CTBP2: variants seen among roughly 807,000 people sequenced by gnomAD.
CTBP2 encodes C-terminal-binding protein 2.
CTBP2 carries 30 observed loss-of-function variants against 80.3 expected under a neutral mutation model. The ratio of observed to expected loss-of-function variants is 0.37; its 90% CI spans 0.28 to 0.51. The LOEUF is 0.51. CTBP2 is among the 20% of genes least tolerant of loss of function. The probability of loss-of-function intolerance (pLI) is 0.93; values close to 1 mark genes in which losing one functional copy is unlikely to be tolerated. For missense variants in CTBP2, 1,212 were observed against 1,375.3 expected, an observed-to-expected ratio of 0.88 and a Z score of 1.88; for synonymous variants, 594 against 587.4, an observed-to-expected ratio of 1.01 and a Z score of -0.16.
At chr10:125,094,960 T>TG (rs1849334285) in intron 2 of CTBP2, among the ~76,000 whole-genome samples, 2 of 146,876 alleles carry the variant, frequency 1.4e-5, no homozygotes, top group African/African-American at 5.1e-5. Flanking sequence ...AGCATGGGGG[T>TG]GGGCTCCAGC....
chr10:125,115,906 A>T (rs541487342), intron 1 of CTBP2, among the ~76,000 whole-genome samples: 19 of 152,324 alleles, frequency 1.2e-4, no homozygotes, highest in Non-Finnish European at 1.5e-4. Flanking sequence ...AGGTCAGAGT[A>T]GTCTACAGTC....
chr10:125,005,925 A>G, intron 1 of CTBP2: 6 of 1,505,874 alleles, frequency 4.0e-6, no homozygotes, highest in Non-Finnish European at 5.3e-6. Flanking sequence ...TGTTCGTTAA[A>G]TGGTAGCCAC....
At chr10:125,123,347 C>A (rs946140849) in intron 1 of CTBP2, among the ~76,000 whole-genome samples, 2 of 152,172 alleles carry the variant, frequency 1.3e-5, no homozygotes, top group South Asian at 2.1e-4. Flanking sequence ...TGGATTCTAT[C>A]CACGTCAATT....
intron 2 of CTBP2, among the ~76,000 whole-genome samples, chr10:125,093,504 T>C (rs1274354412): frequency 6.6e-6 from 1 of 152,226 alleles, no homozygotes; most frequent in Non-Finnish European, 1.5e-5. Context: ...CCACGACACT[T>C]TGTTTAATTC....
At chr10:125,020,053 C>T (rs1254051275) in intron 1 of CTBP2, among the ~76,000 whole-genome samples, 1 of 152,164 alleles carries the variant, frequency 6.6e-6, no homozygotes, top group East Asian at 1.9e-4. Flanking sequence ...AGCGTAGGGG[C>T]CCATTGGTTG....
At position 124,991,900 on chromosome 10, in the gene CTBP2, G is replaced by T. The variant is rs112739926; in HGVS notation, c.2777+795C>A. 1.2e-3 allele frequency among the ~76,000 whole-genome samples: 178 copies of T among 147,398 alleles called. 3 individuals carry two copies. The highest frequency in any genetic ancestry group is 4.0e-3 in the African/African-American group (163 of 40,678). ...CTGGGAAGCCAGCAATAATGGGGGG[G>T]GGGGTGTGGGAGAAAACCGATTCGT... On this transcript the variant is annotated intron_variant, in intron 8 of 8. Transcript: ENST00000309035.
At chr10:125,076,786 T>C (rs1023167339) in intron 2 of CTBP2, among the ~76,000 whole-genome samples, 4 of 152,248 alleles carry the variant, frequency 2.6e-5, no homozygotes, top group African/African-American at 4.8e-5. Flanking sequence ...TGGCAAGAGA[T>C]GGCTCGTTCC....
intron 1 of CTBP2, among the ~76,000 whole-genome samples, chr10:125,013,898 C>T (rs1956200335): frequency 6.6e-6 from 1 of 152,180 alleles, no homozygotes; most frequent in Admixed American, 6.5e-5. Context: ...GGTGATCTTG[C>T]CTCGGCAGGC....
chr10:125,027,887 G>T lies in CTBP2; in HGVS notation c.-128C>A, dbSNP rs1957820130. 7 of 1,426,422 alleles carry T rather than the reference G, an allele frequency of 4.9e-6. No individual in the cohort carries two copies. In the South Asian group the frequency reaches 9.2e-5, roughly 19 times the overall value. 88.4% of individuals were successfully genotyped at this position (1,426,422 alleles called of 1,614,324 possible). ...AGACGGCAGGGACAACCAACTGGGG[G>T]TTTTCTGTTTCAAAGCATGGCCTGA... On this transcript the variant is annotated 5_prime_UTR_variant, in exon 1 of 9. Transcript: ENST00000309035.
intron 1 of CTBP2, among the ~76,000 whole-genome samples, chr10:125,140,652 A>G (rs994676322): frequency 6.6e-6 from 1 of 151,966 alleles, no homozygotes. Context: ...GCAAAAGCCC[A>G]TTTCTACAAA....
chr10:124,991,895 G>GT (rs1351508203), intron 8 of CTBP2, among the ~76,000 whole-genome samples: 1 of 118,930 alleles, frequency 8.4e-6, no homozygotes, highest in Non-Finnish European at 1.6e-5. Flanking sequence ...AGCAATAATG[G>GT]GGGGGGGGGT....
rs140884904 is a variant in CTBP2 at position 125,106,427 on chromosome 10, G to A, written c.-102+4563C>T. On this transcript the variant is annotated intron_variant, in intron 2 of 10. Coordinates refer to the CTBP2 transcript ENST00000337195. ...AGGGACGCGGGGCGACCTGAGTTTG[G>A]GGTTGCTTCATCGGCTCCTGAATGC... is the stretch of plus-strand genomic sequence containing the variant. Among the ~76,000 whole-genome samples, 22 of 152,316 alleles carry A rather than the reference G, an allele frequency of 1.4e-4. No homozygotes were observed. In the East Asian group the frequency reaches 4.0e-3, roughly 28 times the overall value.
chr10:125,151,621 G>A (rs1239575992), intron 1 of CTBP2, among the ~76,000 whole-genome samples: 2 of 152,174 alleles, frequency 1.3e-5, no homozygotes, highest in Non-Finnish European at 2.9e-5. Flanking sequence ...CACTCACCAC[G>A]ACCCCAGGAG....
At chr10:125,028,234 T>C (rs543388865), upstream of CTBP2, among the ~76,000 whole-genome samples, 3 of 152,238 alleles carry the variant, frequency 2.0e-5, no homozygotes, top group East Asian at 1.9e-4. Flanking sequence ...CTCAGGTTTA[T>C]ACTCCCTCTT....
intron 1 of CTBP2, among the ~76,000 whole-genome samples, chr10:125,137,341 C>A (rs1305379101): frequency 6.6e-6 from 1 of 152,186 alleles, no homozygotes; most frequent in Non-Finnish European, 1.5e-5. Context: ...TCCCAAGGGG[C>A]CTGGGAGTCC....
At chr10:125,153,217 C>T (rs545251504) in intron 1 of CTBP2, among the ~76,000 whole-genome samples, 2 of 152,380 alleles carry the variant, frequency 1.3e-5, no homozygotes, top group Admixed American at 6.5e-5. Flanking sequence ...TTCCCTCAAC[C>T]GTTCCTGGGA....
chr10:125,081,886 T>C (rs56171930), intron 2 of CTBP2, among the ~76,000 whole-genome samples: 23,166 of 151,642 alleles, frequency 0.15, 1,879 homozygotes, highest in Middle Eastern at 0.24. Flanking sequence ...CAGGCCTCCT[T>C]CTGTCTCTGC....
intron 1 of CTBP2, among the ~76,000 whole-genome samples, chr10:125,131,930 T>A (rs1856256523): frequency 1.3e-5 from 2 of 151,934 alleles, no homozygotes; most frequent in Admixed American, 6.6e-5. Flanking sequence ...ATACTTGAGG[T>A]GGTGGAAGGG....
intron 2 of CTBP2, among the ~76,000 whole-genome samples, chr10:125,107,763 A>G (rs959659274): frequency 1.6e-4 from 24 of 152,218 alleles, no homozygotes; most frequent in African/African-American, 5.5e-4. Flanking sequence ...CGGCAGGCCA[A>G]GCTTCTACAT....
Sources: allele counts gnomAD v4.1 joint callset (sites outside exome capture counted in the v4.1 genomes callset), GRCh38; gene constraint gnomAD v4.1.1; transcripts MANE v1.5; gene names NCBI Gene and HGNC (gene_info 2026-07-23, HGNC 2026-07-21).